RGL3: variants seen among roughly 807,000 people sequenced by gnomAD.
RGL3 encodes ral guanine nucleotide dissociation stimulator-like 3.
A neutral mutation model predicts 90.6 loss-of-function variants in RGL3; 85 were observed. The ratio of observed to expected loss-of-function variants is 0.94; its 90% CI spans 0.79 to 1.12. The LOEUF (loss-of-function observed/expected upper bound fraction) is 1.12, where lower values mean the gene tolerates loss of function less well. Ranked by LOEUF, RGL3 falls within the 50% of genes most tolerant of loss-of-function variation. RGL3 has a pLI of 0.00. For missense variants in RGL3, 1,034 were observed against 939.2 expected (o/e 1.10, Z -1.32); for synonymous variants, 408 against 385.5 (o/e 1.06, Z -0.68).
In RGL3 at chr19:11,400,193, G is replaced by C; in HGVS notation, c.1580+9C>G. 6.3e-7 allele frequency: 1 copy of C among 1,578,018 alleles called. No homozygotes were observed. Among genetic ancestry groups the C allele is most frequent in the South Asian group, 1.2e-5 (1 of 86,348 alleles). On this transcript the variant is annotated intron_variant, in intron 14 of 18. Transcript: ENST00000380456. ...ACATCACCGCCCCTACACACACCCC[G>C]AGACTCACGCACTGAGACGCTTGGT...
chr19:11,398,258 A>G (rs1327767987), intron 16 of RGL3, among the ~76,000 whole-genome samples: 2 of 152,192 alleles, frequency 1.3e-5, no homozygotes, highest in African/African-American at 4.8e-5. Flanking sequence ...TTATACACCC[A>G]CAGCCCATGC....
intron 5 of RGL3, among the ~76,000 whole-genome samples, chr19:11,415,283 A>G (rs1350657137): frequency 6.6e-6 from 1 of 151,986 alleles, no homozygotes; most frequent in Non-Finnish European, 1.5e-5. Context: ...TGAGTCCAGG[A>G]TGTTGAGCCT....
intron 18 of RGL3, 65 bp downstream of exon 18, chr19:11,397,179 G>T (rs3816865): frequency 2.9e-6 from 4 of 1,376,734 alleles, no homozygotes; most frequent in Admixed American, 1.8e-5. Context: ...TCCATCCTTG[G>T]GCGTGGTCAG....
Position 11,399,915 on chromosome 19 carries a change from G to A in RGL3, c.1686C>T (p.Ser562=). ...SPGSPPSSPR[S]RDAPAGSPPA... ...GGGGACTGCCAGCAGGAGCATCTCT[G>A]CTTCTAGGACTTGAGGGGGGTGACC... Residue 562 remains serine, a synonymous_variant, in exon 16 of 19, where the codon AGC becomes AGT. Coordinates refer to ENST00000380456, the MANE Select transcript of RGL3 (RefSeq NM_001035223.4). The A allele has an allele frequency of 6.5e-7, 1 of 1,534,660 alleles. No individual in the cohort carries two copies. Among genetic ancestry groups the A allele is most frequent in the Non-Finnish European group, 8.7e-7 (1 of 1,146,466 alleles).
intron 1 of RGL3, 152 bp downstream of exon 1, chr19:11,419,094 G>T: frequency 1.2e-6 from 1 of 812,060 alleles, no homozygotes; most frequent in Non-Finnish European, 1.9e-6. Flanking sequence ...GGAACCAGTC[G>T]CTTCACTGGG....
chr19:11,395,794 A>AT (rs35040268), intron 18 of RGL3, among the ~76,000 whole-genome samples: 1 of 150,556 alleles, frequency 6.6e-6, no homozygotes, highest in Non-Finnish European at 1.5e-5. Context: ...TGCCTGGCTA[A>AT]TTTTTTGTAT....
In RGL3 at chr19:11,399,934, G is replaced by C; in HGVS notation, c.1667C>G (p.Pro556Arg). 1 of 1,545,146 alleles carries C rather than the reference G, an allele frequency of 6.5e-7. No individual in the cohort carries two copies. The highest frequency in any genetic ancestry group is 2.4e-5 in the East Asian group (1 of 41,018). Reference protein sequence around the residue: ...SPTSSVSPGSPPSSPRSRDAP... With the variant: ...SPTSSVSPGSRPSSPRSRDAP... ...ATCTCTGCTTCTAGGACTTGAGGGG[G>C]GTGACCCTGGGGACACACTGGGGGA... Residue 556 changes from proline to arginine, a missense_variant, in exon 16 of 19, where the codon CCC becomes CGC. Coordinates refer to ENST00000380456, the MANE Select transcript of RGL3 (RefSeq NM_001035223.4).
At chr19:11,409,495 AAC>A (rs1968838831) in intron 5 of RGL3, among the ~76,000 whole-genome samples, 1 of 152,134 alleles carries the variant, frequency 6.6e-6, no homozygotes. Flanking sequence ...AACAAAACAA[AAC>A]AAAACAAACA....
rs58510644 is a variant in RGL3 at position 11,414,306 on chromosome 19, CATAT to C, written c.637+1627_637+1630del. 1.0e-4 allele frequency among the ~76,000 whole-genome samples: 5 copies of C among 48,744 alleles called. 1 individual carries two copies. Among genetic ancestry groups the C allele is most frequent in the African/African-American group, 4.4e-4 (4 of 9,102 alleles). 32.0% of individuals were successfully genotyped at this position (48,744 alleles called of 152,430 possible). A position where few individuals can be genotyped will look rare whatever the true frequency, so the allele number is the denominator to read the frequency against. On this transcript the variant is annotated intron_variant, in intron 5 of 18. Coordinates refer to ENST00000380456, the MANE Select transcript of RGL3 (RefSeq NM_001035223.4). ...ATATATATATACCTTCATATATATA[CATAT>C]ATATATATACCTTCATATATATATA...
intron 5 of RGL3, 124 bp downstream of exon 5, chr19:11,415,813 T>C (rs964686937): frequency 2.3e-6 from 2 of 872,290 alleles, no homozygotes; most frequent in Non-Finnish European, 3.5e-6. Flanking sequence ...ATGAAGAAAT[T>C]GAGGCTTAGA....
intron 5 of RGL3, among the ~76,000 whole-genome samples, chr19:11,413,697 AT>A (rs1464414079): frequency 1.3e-5 from 2 of 149,410 alleles, no homozygotes; most frequent in Non-Finnish European, 3.0e-5. Context: ...AAAGACCTGA[AT>A]TTTATTTAAT....
Position 11,416,030 on chromosome 19 carries a change from T to C in RGL3, c.544A>G (p.Ser182Gly). 1 of 1,613,850 alleles carries C rather than the reference T, an allele frequency of 6.2e-7. No homozygotes were observed. ...RTFLGWAAPGSAEAQKAEKLL... is the reference protein window; with the variant it reads ...RTFLGWAAPGGAEAQKAEKLL... ...TTCTCTGCTTTTTGAGCCTCAGCAC[T>C]CCCTGGGGCCGCCCAGCCCAGAAAG... Residue 182 changes from serine to glycine, a missense_variant, in exon 5 of 19, where the codon AGT (serine) becomes GGT (glycine). Physicochemically the swap from Ser to Gly is moderately conservative, Grantham distance 56. Coordinates refer to ENST00000380456, the MANE Select transcript of RGL3 (RefSeq NM_001035223.4).
chr19:11,402,468 G>A lies in RGL3; in HGVS notation c.1316C>T (p.Pro439Leu), dbSNP rs373591981. The A allele has an allele frequency of 5.6e-6, 9 of 1,602,788 alleles. No homozygotes were observed. The highest frequency in any genetic ancestry group is 5.4e-5 in the African/African-American group (4 of 74,250). ...TDLVMLDTALPDMLEGDLINF... is the reference protein window; with the variant it reads ...TDLVMLDTALLDMLEGDLINF... ...CAGGGGTCAGACCTCCAACATATCC[G>A]GCAGGGCTGTGTCCAGCATAACCAG... The change falls in exon 11 of 19, where the codon CCG becomes CTG. Residue 439 changes from proline to leucine, a missense_variant. Pro to Leu is a moderately conservative substitution (Grantham distance 98). Coordinates refer to ENST00000380456, the MANE Select transcript of RGL3 (RefSeq NM_001035223.4).
intron 13 of RGL3, 89 bp from the exon 14 acceptor site, chr19:11,400,386 T>C: frequency 8.2e-7 from 1 of 1,225,828 alleles, no homozygotes; most frequent in South Asian, 1.6e-5. Context: ...GAGGTGGGTT[T>C]GGGGTGTAAG....
chr19:11,412,694 C>T (rs1018890969), intron 5 of RGL3, among the ~76,000 whole-genome samples: 5 of 151,742 alleles, frequency 3.3e-5, no homozygotes, highest in African/African-American at 2.4e-5. Context: ...TAGTCGGGTG[C>T]GGTGGCTCAC....
intron 9 of RGL3, 115 bp downstream of exon 9, chr19:11,405,032 C>A (rs780802174): frequency 7.0e-6 from 6 of 858,032 alleles, no homozygotes; most frequent in African/African-American, 3.3e-5. Context: ...CATTGCTGAG[C>A]GGTAGGGAAG....
Position 11,402,060 on chromosome 19 carries a change from G to A in RGL3, c.1435C>T (p.Pro479Ser). Residue 479 changes from proline (P) to serine (S), a missense_variant, in exon 13 of 19, where the codon CCC becomes TCC. By Grantham distance (74) the Pro-to-Ser change is moderately conservative. Transcript: ENST00000380456. ...TGGGCATGCAGGGCAGCCAGGATGGGCGGGTGGGGGCTCAGGGTGTAGCTC... is the reference window on the plus strand; with the variant it reads ...TGGGCATGCAGGGCAGCCAGGATGGACGGGTGGGGGCTCAGGGTGTAGCTC... ...CQSYTLSPHP[P>S]ILAALHAQNQ... is the part of the protein sequence containing the mutation. The A allele has an allele frequency of 6.3e-7, 1 of 1,574,990 alleles. No individual in the cohort carries two copies.
chr19:11,406,701 G>T, intron 6 of RGL3, 21 bp downstream of exon 6: 1 of 1,612,770 alleles, frequency 6.2e-7, no homozygotes, highest in Non-Finnish European at 8.5e-7. Flanking sequence ...GGCTCATCCC[G>T]ACCCTGTCCG....
chr19:11,400,356 T>G (rs544950926), intron 13 of RGL3, 59 bp from the exon 14 acceptor site: 2 of 1,425,962 alleles, frequency 1.4e-6, no homozygotes, highest in East Asian at 2.5e-5. Flanking sequence ...GATGGAGAGA[T>G]AAGAGTTGGA....
Sources: allele counts gnomAD v4.1 joint callset (sites outside exome capture counted in the v4.1 genomes callset), GRCh38; gene constraint gnomAD v4.1.1; transcripts MANE v1.5; gene names NCBI Gene and HGNC (gene_info 2026-07-23, HGNC 2026-07-21).